The following CEP85L variants were observed in gnomAD, a reference collection of about 807,000 sequenced individuals.
CEP85L encodes the protein centrosomal protein of 85 kDa-like.
A neutral mutation model predicts 100.3 loss-of-function variants in CEP85L; 60 were observed. The ratio of observed to expected loss-of-function variants is 0.60; its 90% CI spans 0.49 to 0.74. The LOEUF is 0.74. CEP85L is among the 30% of genes least tolerant of loss of function. CEP85L has a pLI of 0.00. For missense variants in CEP85L, 973 were observed against 936.2 expected (o/e 1.04, Z -0.51); for synonymous variants, 319 against 322.7 (o/e 0.99, Z 0.12).
intron 2 of CEP85L, among the ~76,000 whole-genome samples, chr6:118,570,008 T>G (rs1779790492): frequency 6.6e-6 from 1 of 152,220 alleles, no homozygotes; most frequent in Admixed American, 6.5e-5. Context: ...AGGCAATTTG[T>G]ACATATCACT....
At chr6:118,609,918 A>G (rs1772496662) in intron 2 of CEP85L, among the ~76,000 whole-genome samples, 1 of 152,178 alleles carries the variant, frequency 6.6e-6, no homozygotes, top group African/African-American at 2.4e-5. Flanking sequence ...GGGGGCACAA[A>G]ATTGTGAGGG....
intron 2 of CEP85L, among the ~76,000 whole-genome samples, chr6:118,612,707 TA>T (rs1772728663): frequency 8.4e-6 from 1 of 118,380 alleles, no homozygotes; most frequent in African/African-American, 3.2e-5. Context: ...CTCAAATCAG[TA>T]ATCTAATCTG....
chr6:118,569,527 A>G (rs1779761547), intron 2 of CEP85L, among the ~76,000 whole-genome samples: 1 of 151,544 alleles, frequency 6.6e-6, no homozygotes, highest in African/African-American at 2.4e-5. Context: ...GCCTTTTTAG[A>G]TTCAAATTCT....
chr6:118,689,294 T>C (rs1165006309), intron 1 of CEP85L, among the ~76,000 whole-genome samples: 2 of 152,140 alleles, frequency 1.3e-5, no homozygotes, highest in Non-Finnish European at 2.9e-5. Context: ...CTTAACTTCC[T>C]ACTTTAAGGT....
chr6:118,707,062 A>C (rs1380109588), intron 1 of CEP85L, among the ~76,000 whole-genome samples: 1 of 152,084 alleles, frequency 6.6e-6, no homozygotes, highest in African/African-American at 2.4e-5. Flanking sequence ...AGCCCAGGCT[A>C]TCTCTCCTGG....
intron 5 of CEP85L, among the ~76,000 whole-genome samples, chr6:118,508,684 C>T (rs1355461040): frequency 6.6e-6 from 1 of 151,946 alleles, no homozygotes; most frequent in Non-Finnish European, 1.5e-5. Flanking sequence ...TCTATAAATT[C>T]ATTTAAAAAT....
At chr6:118,566,922 T>C (rs1207580876) in intron 2 of CEP85L, among the ~76,000 whole-genome samples, 1 of 152,084 alleles carries the variant, frequency 6.6e-6, no homozygotes, top group Non-Finnish European at 1.5e-5. Context: ...GTATTGTACC[T>C]TTAAAAGGAA....
chr6:118,527,273 G>A (rs978966027), intron 3 of CEP85L, among the ~76,000 whole-genome samples: 7 of 151,894 alleles, frequency 4.6e-5, no homozygotes, highest in Admixed American at 4.6e-4. Flanking sequence ...CCAAAGTGCT[G>A]GGATTACAGG....
chr6:118,547,082 G>A (rs1366960704), intron 3 of CEP85L, among the ~76,000 whole-genome samples: 1 of 151,834 alleles, frequency 6.6e-6, no homozygotes, highest in African/African-American at 2.4e-5. Flanking sequence ...AAAGTGAAGT[G>A]GGCTAAGTTC....
At chr6:118,666,988 G>C (rs72958938) in intron 1 of CEP85L, among the ~76,000 whole-genome samples, 2,936 of 152,230 alleles carry the variant, frequency 0.019, 54 homozygotes, top group Non-Finnish European at 0.028. Flanking sequence ...GTCTTTTCTT[G>C]CTTAATTAGT....
At chr6:118,614,452 T>C (rs983355995) in intron 2 of CEP85L, among the ~76,000 whole-genome samples, 7 of 152,228 alleles carry the variant, frequency 4.6e-5, no homozygotes, top group African/African-American at 1.7e-4. Context: ...ATAGACAATG[T>C]GATTGTCTAC....
chr6:118,640,046 C>T (rs1400920851), intron 1 of CEP85L, among the ~76,000 whole-genome samples: 1 of 152,062 alleles, frequency 6.6e-6, no homozygotes, highest in African/African-American at 2.4e-5. Flanking sequence ...TGATGGCCAA[C>T]ATTCCTAACA....
At chr6:118,607,479 G>A (rs981166165) in intron 2 of CEP85L, among the ~76,000 whole-genome samples, 2 of 152,080 alleles carry the variant, frequency 1.3e-5, no homozygotes, top group East Asian at 1.9e-4. Flanking sequence ...CATGTCCTAC[G>A]ATCCTGTACA....
chr6:118,586,092 T>C (rs1192481084), intron 2 of CEP85L, among the ~76,000 whole-genome samples: 1 of 152,152 alleles, frequency 6.6e-6, no homozygotes, highest in African/African-American at 2.4e-5. Flanking sequence ...GCACTAGGCA[T>C]AGAATATCAT....
intron 1 of CEP85L, among the ~76,000 whole-genome samples, chr6:118,693,527 A>G (rs1379289789): frequency 2.0e-5 from 3 of 152,248 alleles, no homozygotes; most frequent in Admixed American, 1.3e-4. Flanking sequence ...CAGAAGATCT[A>G]TGTCATCCAA....
chr6:118,508,914 T>G (rs1775812620), intron 5 of CEP85L, among the ~76,000 whole-genome samples: 1 of 152,108 alleles, frequency 6.6e-6, no homozygotes, highest in South Asian at 2.1e-4. Flanking sequence ...TTTATTACTC[T>G]ATCTGCTGTT....
Position 118,481,830 on chromosome 6 carries a change from T to C in CEP85L, c.1694A>G (p.Gln565Arg), listed in dbSNP as rs1212491131. Residue 565 changes from glutamine to arginine, a missense_variant, in exon 8 of 13, where the codon CAG becomes CGG. By Grantham distance (43) the Gln-to-Arg change is conservative. Coordinates refer to ENST00000368491, the MANE Select transcript of CEP85L (RefSeq NM_001042475.3). ...IKKQCQDKET[Q>R]LICQKKKEKE... Reference sequence around the variant, plus strand: ...TTCTTTCTTTTTCTGGCATATTAACTGTGTCTCTTTATCTTGACACTGCTT... The same window carrying C: ...TTCTTTCTTTTTCTGGCATATTAACCGTGTCTCTTTATCTTGACACTGCTT... 1 of 1,599,736 alleles carries C rather than the reference T, an allele frequency of 6.3e-7. No individual in the cohort carries two copies. The highest frequency in any genetic ancestry group is 1.3e-5 in the African/African-American group (1 of 74,240).
At chr6:118,617,976 G>A (rs185902636) in intron 2 of CEP85L, among the ~76,000 whole-genome samples, 5 of 152,280 alleles carry the variant, frequency 3.3e-5, no homozygotes, top group South Asian at 2.1e-4. Flanking sequence ...CTAAAAACAC[G>A]AGTGTCAGCC....
At chr6:118,476,507 T>C (rs1205137480) in intron 10 of CEP85L, among the ~76,000 whole-genome samples, 4 of 152,122 alleles carry the variant, frequency 2.6e-5, no homozygotes, top group African/African-American at 4.8e-5. Flanking sequence ...ACAATAATAA[T>C]GGGAAAACAT....
Sources: gnomAD v4.1 joint callset for allele counts (sites outside exome capture counted in the v4.1 genomes callset) on GRCh38, gnomAD v4.1.1 for gene constraint, MANE v1.5 for transcripts, NCBI Gene and HGNC (gene_info 2026-07-23, HGNC 2026-07-21) for gene names.